Variants in HECTD4 observed in about 807,000 individuals in gnomAD.
HECTD4 encodes the protein probable E3 ubiquitin-protein ligase HECTD4.
In HECTD4, 114 loss-of-function variants were observed where a neutral mutation model predicts 471.5. The ratio of observed to expected loss-of-function variants is 0.24; its 90% CI spans 0.21 to 0.28. HECTD4 has a LOEUF of 0.28. HECTD4 is among the 10% of genes least tolerant of loss of function. HECTD4 has a pLI of 1.00. For missense variants in HECTD4, 3,866 were observed against 5,651.5 expected (o/e 0.68, Z 10.13); for synonymous variants, 2,012 against 2,256.0 (o/e 0.89, Z 3.07).
At chr12:112,251,801 C>T (rs985388677) in intron 23 of HECTD4, among the ~76,000 whole-genome samples, 3 of 152,196 alleles carry the variant, frequency 2.0e-5, no homozygotes, top group Non-Finnish European at 4.4e-5. Context: ...GAGACGGAGT[C>T]TCACTCTATC....
intron 60 of HECTD4, among the ~76,000 whole-genome samples, chr12:112,189,872 G>A (rs1443269574): frequency 6.6e-6 from 1 of 152,044 alleles, no homozygotes; most frequent in Non-Finnish European, 1.5e-5. Flanking sequence ...TCCTGCCTCA[G>A]CCTCCTGAGT....
At position 112,212,496 on chromosome 12, in the gene HECTD4, A is replaced by G. The variant is rs2004407114; in HGVS notation, c.7620T>C (p.Ile2540=). Residue 2540 remains isoleucine, a synonymous_variant, in exon 49 of 76, where the codon ATT becomes ATC. Coordinates refer to ENST00000682272, the MANE Select transcript of HECTD4 (RefSeq NM_001388303.1). ...VSGGMWPVVH[I]QKKNTKTRAN... is the part of the protein sequence containing the mutation. ...CAACAAGGTAACCTGCCTTTTTCTG[A>G]ATGTGAACCACTGGCCACATGCCAC... 5.0e-6 allele frequency: 8 copies of G among 1,609,944 alleles called. No individual in the cohort carries two copies. Among genetic ancestry groups the G allele is most frequent in the Non-Finnish European group, 5.1e-6 (6 of 1,177,672 alleles).
chr12:112,265,083 G>A (rs1204467120), intron 16 of HECTD4, 92 bp downstream of exon 16: 25 of 1,189,890 alleles, frequency 2.1e-5, no homozygotes, highest in Admixed American at 5.3e-5. Context: ...ATTATTGTAA[G>A]TCTGTATGTA....
At chr12:112,311,277 A>G (rs1413396689) in intron 4 of HECTD4, among the ~76,000 whole-genome samples, 1 of 151,290 alleles carries the variant, frequency 6.6e-6, no homozygotes, top group African/African-American at 2.4e-5. Flanking sequence ...AAAAAAAAAG[A>G]TTACATAAAT....
chr12:112,354,362 C>CT (rs74409223), intron 1 of HECTD4, among the ~76,000 whole-genome samples: 16,281 of 152,018 alleles, frequency 0.11, 1,051 homozygotes, highest in East Asian at 0.23. Context: ...CCAATAGTGT[C>CT]TTTTTTTAAT....
intron 44 of HECTD4, among the ~76,000 whole-genome samples, chr12:112,221,947 G>A (rs1435341935): frequency 1.4e-5 from 2 of 148,034 alleles, no homozygotes; most frequent in African/African-American, 2.5e-5. Flanking sequence ...TTTTTGAGAC[G>A]GAGTCTCACT....
At chr12:112,322,892 T>TC (rs1239203350) in intron 1 of HECTD4, 1 of 156,136 alleles carries the variant, frequency 6.4e-6, no homozygotes, top group Non-Finnish European at 1.4e-5. Flanking sequence ...GATTTTACAG[T>TC]CCATGCACCC....
chr12:112,291,565 C>A (rs944818550), intron 7 of HECTD4, among the ~76,000 whole-genome samples: 1 of 151,814 alleles, frequency 6.6e-6, no homozygotes, highest in African/African-American at 2.4e-5. Flanking sequence ...GTGAGACCCC[C>A]CCATCTTTAA....
intron 59 of HECTD4, 68 bp from the exon 60 acceptor site, chr12:112,191,033 G>C: frequency 7.5e-7 from 1 of 1,339,114 alleles, no homozygotes; most frequent in Non-Finnish European, 1.0e-6. Context: ...CTCACAAAAG[G>C]TCCTGCCAGG....
intron 54 of HECTD4, 86 bp from the exon 55 acceptor site, chr12:112,200,884 C>CGTGCGTGTGT (rs375072572): frequency 2.6e-5 from 18 of 698,762 alleles, no homozygotes; most frequent in Admixed American, 2.3e-4. Context: ...TGCGTGCGTG[C>CGTGCGTGTGT]GTGTGTGTGT....
chr12:112,169,391 G>C (rs1593889105), intron 70 of HECTD4, 112 bp downstream of exon 70: 2 of 1,212,930 alleles, frequency 1.6e-6, no homozygotes, highest in East Asian at 2.5e-5. Context: ...TGCAGCACAA[G>C]TGCTGAGGAT....
At chr12:112,221,973 G>A (rs2033110604) in intron 44 of HECTD4, among the ~76,000 whole-genome samples, 2 of 150,966 alleles carry the variant, frequency 1.3e-5, no homozygotes, top group African/African-American at 4.9e-5. Context: ...ACCCAGGCTG[G>A]AGTGCAGTGG....
chr12:112,279,286 T>G lies in HECTD4; in HGVS notation c.1629A>C (p.Ser543=), dbSNP rs1399377524. 1.2e-6 allele frequency: 2 copies of G among 1,613,012 alleles called. No individual in the cohort carries two copies. Among genetic ancestry groups the G allele is most frequent in the Non-Finnish European group, 1.7e-6 (2 of 1,179,672 alleles). Residue 543 remains serine (S), a synonymous_variant, in exon 9 of 76, where the codon TCA becomes TCC. Transcript: ENST00000682272. ...AAAGAGATCGGGTGGCAGAGCTGCC[T>G]GATCCCCCTGGAGGAGGCACCAGCA... The part of the protein sequence containing the change: ...LVMLVPPPGG[S]GSSATRSLFG...
chr12:112,163,841 GCCTGGGGCCCAGC>G lies in HECTD4; in HGVS notation c.12702-117_12702-105del, dbSNP rs2030810393. 1.2e-5 allele frequency: 13 copies of G among 1,117,830 alleles called. No individual in the cohort carries two copies. Among genetic ancestry groups the G allele is most frequent in the Middle Eastern group, 3.1e-4 (1 of 3,242 alleles). The allele number at this position is 1,117,830 out of a possible 1,614,324, so 69.2% of individuals were successfully genotyped here. A position where few individuals can be genotyped will look rare whatever the true frequency, so the allele number is the denominator to read the frequency against. ...GGTCCCGGATCCTCTCTTGGGAGAG[GCCTGGGGCCCAGC>G]CGCCCTGGTCATCCCAGTCCTTTCC... On this transcript the variant is annotated intron_variant, in intron 73 of 75. Coordinates refer to ENST00000682272, the MANE Select transcript of HECTD4 (RefSeq NM_001388303.1). The surrounding 1 kb of genome is among the most constrained non-coding windows in gnomAD (Gnocchi z 8.2).
At chr12:112,349,292 G>A (rs1038478408) in intron 1 of HECTD4, among the ~76,000 whole-genome samples, 4 of 150,252 alleles carry the variant, frequency 2.7e-5, no homozygotes, top group Non-Finnish European at 5.9e-5. Flanking sequence ...GGGAGGCTGA[G>A]GCAGAAGAAT....
chr12:112,301,267 G>A (rs1002469143), intron 7 of HECTD4, among the ~76,000 whole-genome samples: 1 of 148,910 alleles, frequency 6.7e-6, no homozygotes, highest in African/African-American at 2.5e-5. Flanking sequence ...CGCCTTGGTG[G>A]AGCCTACCAG....
In HECTD4 at chr12:112,382,325, C is replaced by T. The variant is rs1034953496; in HGVS notation, c.-197G>A. Reference sequence around the variant, plus strand: ...CGACCCCGGCCCGGGAGACCCCGGCCCTGCCGCCGCCGCCGCCGCCGCCGC... The same window carrying T: ...CGACCCCGGCCCGGGAGACCCCGGCTCTGCCGCCGCCGCCGCCGCCGCCGC... On this transcript the variant is annotated 5_prime_UTR_variant, in exon 1 of 76. Transcript: ENST00000682272. The T allele has an allele frequency of 2.7e-4, 103 of 379,986 alleles. 1 individual carries two copies. The African/African-American group carries it at 2.9e-3, about 11-fold the overall frequency. 23.5% of individuals were successfully genotyped at this position (379,986 alleles called of 1,614,324 possible).
intron 1 of HECTD4, among the ~76,000 whole-genome samples, chr12:112,352,923 A>C (rs1228875576): frequency 6.6e-6 from 1 of 152,172 alleles, no homozygotes; most frequent in Non-Finnish European, 1.5e-5. Flanking sequence ...AAGTGTTTTA[A>C]AATAAGACAA....
At chr12:112,211,148 A>G (rs573236615) in intron 49 of HECTD4, among the ~76,000 whole-genome samples, 1 of 152,284 alleles carries the variant, frequency 6.6e-6, no homozygotes, top group Admixed American at 6.5e-5. Flanking sequence ...TCAGGAGTTC[A>G]AGACCAGCCT....
Sources: allele counts gnomAD v4.1 joint callset (sites outside exome capture counted in the v4.1 genomes callset), GRCh38; gene constraint gnomAD v4.1.1; non-coding constraint Gnocchi (gnomAD v3.1); transcripts MANE v1.5; gene names NCBI Gene and HGNC (gene_info 2026-07-23, HGNC 2026-07-21).